USH2A: variants seen among roughly 807,000 people sequenced by gnomAD.
USH2A encodes the protein Usher syndrome 2A (autosomal recessive, mild).
In USH2A, 443 loss-of-function variants were observed where a neutral mutation model predicts 538.9. The ratio of observed to expected loss-of-function variants is 0.82; its 90% confidence interval spans 0.76 to 0.89. The LOEUF (loss-of-function observed/expected upper bound fraction) is 0.89, where lower values mean the gene tolerates loss of function less well. USH2A is among the 40% of genes least tolerant of loss of function. The probability of loss-of-function intolerance (pLI) is 0.00; values close to 1 mark genes in which losing one functional copy is unlikely to be tolerated. For synonymous variants in USH2A, 2,413 were observed against 2,273.5 expected (o/e 1.06, Z -1.75); for missense variants, 6,633 against 6,324.8 (o/e 1.05, Z -1.65).
At chr1:216,175,014 A>G (rs2102640589) in intron 21 of USH2A, 1 of 1,354,134 alleles carries the variant, frequency 7.4e-7, no homozygotes, top group Non-Finnish European at 9.5e-7. Context: ...CTTTGATCCA[A>G]TAAGGCTGCT....
chr1:215,913,478 C>T (rs1665865871), intron 38 of USH2A, among the ~76,000 whole-genome samples: 1 of 152,000 alleles, frequency 6.6e-6, no homozygotes, highest in African/African-American at 2.4e-5. Flanking sequence ...ATGGTGATCT[C>T]ACTGTTTGAG....
At chr1:215,863,729 C>T (rs1056829101) in intron 44 of USH2A, among the ~76,000 whole-genome samples, 10 of 151,972 alleles carry the variant, frequency 6.6e-5, no homozygotes, top group African/African-American at 2.4e-4. Flanking sequence ...AATTCCAGCA[C>T]TTTAGGAGGC....
chr1:216,198,950 T>G (rs1027278218), intron 17 of USH2A, among the ~76,000 whole-genome samples: 1 of 152,166 alleles, frequency 6.6e-6, no homozygotes, highest in African/African-American at 2.4e-5. Flanking sequence ...CCAGTTCTTT[T>G]GGGGAATTTG....
chr1:215,979,960 A>T (rs1041141643), intron 35 of USH2A, among the ~76,000 whole-genome samples: 1 of 152,162 alleles, frequency 6.6e-6, no homozygotes, highest in Non-Finnish European at 1.5e-5. Context: ...ATCAGAGTTA[A>T]AATCTTAGTT....
intron 44 of USH2A, among the ~76,000 whole-genome samples, chr1:215,865,383 A>C (rs1417006841): frequency 6.6e-6 from 1 of 152,182 alleles, no homozygotes; most frequent in Non-Finnish European, 1.5e-5. Flanking sequence ...CAGATCTATT[A>C]GGTTTGTCAG....
intron 64 of USH2A, among the ~76,000 whole-genome samples, chr1:215,670,401 A>G (rs1657776861): frequency 6.6e-6 from 1 of 152,230 alleles, no homozygotes. Context: ...CAAACCTAAC[A>G]GAAGTCCTCC....
intron 40 of USH2A, among the ~76,000 whole-genome samples, chr1:215,899,624 T>C (rs368879304): frequency 2.0e-5 from 3 of 152,160 alleles, no homozygotes; most frequent in South Asian, 4.1e-4. Context: ...AGGCTGTCTT[T>C]GGGGTATGAG....
At chr1:215,779,814 T>C (rs752464099) in intron 55 of USH2A, 29 bp downstream of exon 55, 1 of 1,610,912 alleles carries the variant, frequency 6.2e-7, no homozygotes, top group Admixed American at 1.7e-5. Context: ...ACTCCTCCAG[T>C]AGGATTTCCT....
At chr1:216,096,515 AATTT>A (rs1435832269) in intron 22 of USH2A, among the ~76,000 whole-genome samples, 2 of 152,272 alleles carry the variant, frequency 1.3e-5, no homozygotes, top group Admixed American at 1.3e-4. Flanking sequence ...CTCAGAAAAC[AATTT>A]ATTTCTTTAT....
intron 32 of USH2A, among the ~76,000 whole-genome samples, chr1:216,016,391 C>T (rs1668712482): frequency 6.6e-6 from 1 of 152,100 alleles, no homozygotes; most frequent in African/African-American, 2.4e-5. Context: ...AATCGCTTTG[C>T]TATGATAAGG....
At chr1:215,762,944 A>G (rs1456491900) in intron 56 of USH2A, among the ~76,000 whole-genome samples, 1 of 152,138 alleles carries the variant, frequency 6.6e-6, no homozygotes, top group Admixed American at 6.5e-5. Context: ...TTTTAAATTT[A>G]TCTTGAGTTG....
intron 15 of USH2A, among the ~76,000 whole-genome samples, chr1:216,216,834 A>G (rs1213544700): frequency 1.3e-5 from 2 of 152,142 alleles, no homozygotes. Context: ...AACTTAAAGT[A>G]GAAAGAAACA....
intron 32 of USH2A, among the ~76,000 whole-genome samples, chr1:216,033,364 G>A (rs1009102758): frequency 1.3e-4 from 20 of 152,136 alleles, no homozygotes; most frequent in Non-Finnish European, 2.4e-4. Context: ...TAAGATCTGA[G>A]AACTCAAGGA....
chr1:215,726,204 A>G (rs1659812940), intron 61 of USH2A, among the ~76,000 whole-genome samples: 1 of 152,190 alleles, frequency 6.6e-6, no homozygotes, highest in Non-Finnish European at 1.5e-5. Context: ...TTTGAAGGAT[A>G]TGGTGGGAAG....
rs12741197 is a variant in USH2A at position 215,890,960 on chromosome 1, A to T, written c.7595-1906T>A. ...ACACTTAAAAATCAGAATATTTTTT[A>T]TTAGGGTTTTCATCTGGGTCTTGCA... On this transcript the variant is annotated intron_variant, in intron 40 of 71. Transcript: ENST00000307340. Among the ~76,000 whole-genome samples the T allele has an allele frequency of 0.14, 21,099 of 152,062 alleles. 1,611 individuals are homozygous for T. The highest frequency in any genetic ancestry group is 0.29 in the South Asian group (1,392 of 4,754).
chr1:215,867,326 T>A (rs1404843163), intron 43 of USH2A, among the ~76,000 whole-genome samples, 156 bp from the exon 44 acceptor site: 1 of 152,246 alleles, frequency 6.6e-6, no homozygotes. Flanking sequence ...ATTATTTTAT[T>A]TTCCCTCCTT....
intron 9 of USH2A, among the ~76,000 whole-genome samples, chr1:216,301,513 G>A (rs1258252001): frequency 1.3e-5 from 2 of 152,088 alleles, no homozygotes; most frequent in East Asian, 1.9e-4. Flanking sequence ...AATAGTATTC[G>A]AGGGAGAGAG....
chr1:216,373,067 ACT>A (rs980388162), intron 3 of USH2A, among the ~76,000 whole-genome samples: 31 of 152,178 alleles, frequency 2.0e-4, no homozygotes, highest in Admixed American at 1.0e-3. Context: ...TGCTCTTCAT[ACT>A]CTCACTAAAA....
intron 27 of USH2A, among the ~76,000 whole-genome samples, chr1:216,077,585 A>G (rs1033831914): frequency 4.0e-5 from 6 of 148,966 alleles, no homozygotes; most frequent in South Asian, 4.2e-4. Flanking sequence ...AATTATATAT[A>G]TAATTATGTA....
Sources: allele counts gnomAD v4.1 joint callset (sites outside exome capture counted in the v4.1 genomes callset), GRCh38; gene constraint gnomAD v4.1.1; transcripts MANE v1.5; gene names NCBI Gene and HGNC (gene_info 2026-07-23, HGNC 2026-07-21).